Variants in ZNF883 observed in about 807,000 individuals in gnomAD.
ZNF883 encodes zinc finger protein 883.
upstream of ZNF883, among the ~76,000 whole-genome samples, chr9:113,001,090 C>T (rs1828417138): frequency 1.3e-5 from 2 of 152,036 alleles, no homozygotes; most frequent in South Asian, 4.1e-4. Context: ...GAACAGGTTG[C>T]TATAAAGAAA....
chr9:112,998,414 C>G (rs749407473), upstream of ZNF883: 3 of 608,176 alleles, frequency 4.9e-6, no homozygotes, highest in Non-Finnish European at 7.3e-6. Flanking sequence ...TCATGAGTTT[C>G]TTTTGAAAAA....
chr9:112,996,513 C>T (rs1015228594), downstream of ZNF883, among the ~76,000 whole-genome samples: 3 of 151,686 alleles, frequency 2.0e-5, no homozygotes, highest in Non-Finnish European at 4.4e-5. Flanking sequence ...TTTTTATGGC[C>T]GGGCGCGGTG....
chr9:112,994,403 C>T (rs890164163), downstream of ZNF883, among the ~76,000 whole-genome samples: 2 of 151,864 alleles, frequency 1.3e-5, no homozygotes, highest in Non-Finnish European at 2.9e-5. Context: ...CCTCAGTCAC[C>T]AGTGCAGGAT....
chr9:112,996,997 A>C, downstream of ZNF883: 1 of 865,068 alleles, frequency 1.2e-6, no homozygotes. Flanking sequence ...TACAAATAGC[A>C]TATTAAGTAA....
intron 1 of ZNF883, among the ~76,000 whole-genome samples, chr9:112,990,377 G>C (rs1193308942): frequency 6.6e-6 from 1 of 152,056 alleles, no homozygotes; most frequent in African/African-American, 2.4e-5. Flanking sequence ...ATAATCATGT[G>C]GTTTTTGTCT....
At chr9:112,996,815 AAAAAAAAAAGT>A (rs1467220109), downstream of ZNF883, among the ~76,000 whole-genome samples, 73 of 116,636 alleles carry the variant, frequency 6.3e-4, 1 homozygote, top group African/African-American at 2.4e-3. Context: ...AAAAAAAAAA[AAAAAAAAAAGT>A]TTTTTTATAA....
chr9:113,007,430 C>G (rs557771413), intron 2 of ZNF883, among the ~76,000 whole-genome samples: 3 of 152,184 alleles, frequency 2.0e-5, no homozygotes, highest in Non-Finnish European at 2.9e-5. Context: ...GACTGGAGAC[C>G]CTGTCTTACC....
exon 1 of ZNF883, chr9:112,997,668 G>A (rs189904941): frequency 1.2e-4 from 186 of 1,611,812 alleles, no homozygotes; most frequent in Middle Eastern, 5.0e-4. Flanking sequence ...CTCTGATGTC[G>A]GATTAGTGAT....
intron 2 of ZNF883, among the ~76,000 whole-genome samples, chr9:113,006,296 G>A (rs1587897435): frequency 6.6e-6 from 1 of 152,126 alleles, no homozygotes; most frequent in Middle Eastern, 3.4e-3. Context: ...CCAGTTCCAG[G>A]AGCACCCCCT....
downstream of ZNF883, among the ~76,000 whole-genome samples, chr9:112,994,024 C>T (rs1380786004): frequency 2.0e-5 from 3 of 152,062 alleles, no homozygotes; most frequent in African/African-American, 7.2e-5. Context: ...CCCGCAGGAA[C>T]TCAGCAGCCT....
At chr9:112,998,547 ATAT>A, upstream of ZNF883, 1 of 246,382 alleles carries the variant, frequency 4.1e-6, no homozygotes, top group East Asian at 7.9e-5. Flanking sequence ...GTGGTCAAAA[ATAT>A]TATATGGAAA....
exon 1 of ZNF883, chr9:112,997,658 C>T (rs1828376371): frequency 1.2e-6 from 2 of 1,612,740 alleles, no homozygotes; most frequent in African/African-American, 1.3e-5. Context: ...TGTGTGGGTT[C>T]TCTGATGTCG....
chr9:112,997,998 G>C, exon 1 of ZNF883: 1 of 1,613,676 alleles, frequency 6.2e-7, no homozygotes, highest in Non-Finnish European at 8.5e-7. Flanking sequence ...TGGACTCTTT[G>C]ATGCTGAATA....
chr9:112,997,232 T>C (rs966881951), exon 1 of ZNF883: 14 of 1,613,958 alleles, frequency 8.7e-6, no homozygotes, highest in Admixed American at 1.7e-5. Flanking sequence ...CTCCCTTGTA[T>C]GTATTCGCTT....
At chr9:112,996,455 G>C (rs1336193180), downstream of ZNF883, among the ~76,000 whole-genome samples, 1 of 152,120 alleles carries the variant, frequency 6.6e-6, no homozygotes, top group African/African-American at 2.4e-5. Flanking sequence ...ATTATATATA[G>C]AGTGAACAAT....
chr9:113,009,592 C>A (rs1002993495), intron 2 of ZNF883, among the ~76,000 whole-genome samples: 1 of 151,884 alleles, frequency 6.6e-6, no homozygotes, highest in Non-Finnish European at 1.5e-5. Flanking sequence ...CCAGTGCAAT[C>A]TCCACCTCCC....
intron 2 of ZNF883, among the ~76,000 whole-genome samples, chr9:113,007,938 AAGG>A (rs1349888562): frequency 1.3e-5 from 2 of 152,202 alleles, no homozygotes; most frequent in African/African-American, 2.4e-5. Context: ...AAAGAAGGAA[AAGG>A]AGAAAAATTT....
downstream of ZNF883, among the ~76,000 whole-genome samples, chr9:112,995,956 G>A (rs1587893576): frequency 1.3e-5 from 2 of 152,106 alleles, no homozygotes; most frequent in South Asian, 4.2e-4. Flanking sequence ...CTATTTCATT[G>A]AGGTGTGGTT....
At chr9:112,997,287 C>T (rs747417252) in exon 1 of ZNF883, 2 of 1,614,182 alleles carry the variant, frequency 1.2e-6, no homozygotes, top group South Asian at 2.2e-5. Context: ...TTCCCACATT[C>T]ATTACACTGG....
Sources: gnomAD v4.1 joint callset for allele counts (sites outside exome capture counted in the v4.1 genomes callset) on GRCh38, gnomAD v4.1.1 for gene constraint, MANE v1.5 for transcripts, NCBI Gene and HGNC (gene_info 2026-07-23, HGNC 2026-07-21) for gene names.